The following SEPTIN10 variants were observed in gnomAD, a reference collection of about 807,000 sequenced individuals.
The protein encoded by SEPTIN10 is septin 10, also known as septin-10.
A neutral mutation model predicts 54.8 loss-of-function variants in SEPTIN10; 66 were observed. That is an observed-to-expected ratio of 1.21 (90% CI 0.99 to 1.48). SEPTIN10 has a LOEUF of 1.48. SEPTIN10 is among the 40% of genes most tolerant of loss of function. The pLI is 0.00. For synonymous variants in SEPTIN10, 161 were observed against 181.0 expected, an observed-to-expected ratio of 0.89 and a Z score of 0.89; for missense variants, 620 against 545.6, an observed-to-expected ratio of 1.14 and a Z score of -1.36.
chr2:109,545,293 T>A, intron 10 of SEPTIN10: 1 of 1,428,412 alleles, frequency 7.0e-7, no homozygotes. Context: ...GTGGGAGAAA[T>A]AAAACAAGGG....
intron 4 of SEPTIN10, among the ~76,000 whole-genome samples, chr2:109,581,341 G>A (rs1691085435): frequency 6.6e-6 from 1 of 151,956 alleles, no homozygotes; most frequent in South Asian, 2.1e-4. Flanking sequence ...GGAGGCTGAG[G>A]CTTGAGAATC....
At chr2:109,595,685 C>T (rs1310775092) in intron 1 of SEPTIN10, among the ~76,000 whole-genome samples, 2 of 152,124 alleles carry the variant, frequency 1.3e-5, no homozygotes, top group African/African-American at 2.4e-5. Context: ...GGCAGAATTT[C>T]GTACTTGGAG....
chr2:109,595,362 C>T (rs1695089979), intron 1 of SEPTIN10, among the ~76,000 whole-genome samples: 1 of 152,160 alleles, frequency 6.6e-6, no homozygotes, highest in Admixed American at 6.5e-5. Flanking sequence ...AGAGACTAGC[C>T]TGATTTTAAT....
intron 1 of SEPTIN10, among the ~76,000 whole-genome samples, chr2:109,612,661 A>G (rs760542324): frequency 6.6e-6 from 1 of 152,232 alleles, no homozygotes; most frequent in Non-Finnish European, 1.5e-5. Flanking sequence ...TAATCTATGA[A>G]TCAAAGAATT....
intron 8 of SEPTIN10, among the ~76,000 whole-genome samples, chr2:109,559,549 T>C (rs1266398591): frequency 6.6e-6 from 1 of 152,218 alleles, no homozygotes; most frequent in Admixed American, 6.5e-5. Context: ...GCTCAGCAAA[T>C]GGATGTGATG....
rs1414601642 is a variant in SEPTIN10 at position 109,546,090 on chromosome 2, C to A, written c.1309G>T (p.Ala437Ser). 2.5e-6 allele frequency: 4 copies of A among 1,603,426 alleles called. No homozygotes were observed. The highest frequency in any genetic ancestry group is 1.7e-5 in the Admixed American group (1 of 58,090). Residue 437 changes from alanine to serine, a missense_variant, in exon 10 of 11, where the codon GCA becomes TCA. By Grantham distance (99) the Ala-to-Ser change is moderately conservative. Transcript: ENST00000397712. The part of the protein sequence containing the change: ...SEIFHSQSFL[A>S]TGSNLRKDKD... ...TCCTTCCTCAGGTTGCTGCCTGTTG[C>A]CAGAAAGGACTGGCTGTGAAATATC...
chr2:109,570,583 G>A (rs1416552644), intron 5 of SEPTIN10, among the ~76,000 whole-genome samples: 1 of 150,842 alleles, frequency 6.6e-6, no homozygotes, highest in Non-Finnish European at 1.5e-5. Flanking sequence ...GGAGTGCAGT[G>A]GCGTGATGTT....
At chr2:109,584,418 T>C (rs1691963071) in intron 4 of SEPTIN10, among the ~76,000 whole-genome samples, 1 of 131,356 alleles carries the variant, frequency 7.6e-6, no homozygotes, top group African/African-American at 3.0e-5. Context: ...GAGGTTGCAG[T>C]GAGTCGAAAT....
At chr2:109,583,802 A>C (rs960315931) in intron 4 of SEPTIN10, among the ~76,000 whole-genome samples, 1 of 152,234 alleles carries the variant, frequency 6.6e-6, no homozygotes, top group Non-Finnish European at 1.5e-5. Flanking sequence ...ACTACTACAC[A>C]GCCATAAAAA....
At chr2:109,563,433 T>A (rs1229105287) in intron 8 of SEPTIN10, among the ~76,000 whole-genome samples, 1 of 152,166 alleles carries the variant, frequency 6.6e-6, no homozygotes, top group East Asian at 1.9e-4. Flanking sequence ...AACAATGCAA[T>A]GGAAAAGGAA....
intron 1 of SEPTIN10, among the ~76,000 whole-genome samples, chr2:109,600,372 C>G (rs928021156): frequency 4.6e-5 from 7 of 152,134 alleles, no homozygotes; most frequent in African/African-American, 1.7e-4. Context: ...TGTCTGCTTG[C>G]AGAATTCCAC....
intron 9 of SEPTIN10, among the ~76,000 whole-genome samples, chr2:109,549,369 G>A (rs1682230149): frequency 6.6e-6 from 1 of 152,126 alleles, no homozygotes; most frequent in Non-Finnish European, 1.5e-5. Context: ...CATTCATGAG[G>A]TTGACTAAAA....
rs1680437967 is a variant in SEPTIN10, at chr2:109,543,453, T to C, written c.*856A>G. On this transcript the variant is annotated 3_prime_UTR_variant, in exon 11 of 11. Transcript: ENST00000397712. ...TAAAGCATGAAGTCATCATATTAAA[T>C]AATCTGACACAAAAGCTTAAGATCA... 6.6e-6 allele frequency: 1 copy of C among 152,198 alleles called. No individual in the cohort carries two copies. Among genetic ancestry groups the C allele is most frequent in the Non-Finnish European group, 1.5e-5 (1 of 68,018 alleles). 9.4% of individuals were successfully genotyped at this position (152,198 alleles called of 1,614,324 possible).
At chr2:109,597,168 T>C (rs968825938) in intron 1 of SEPTIN10, among the ~76,000 whole-genome samples, 1 of 152,116 alleles carries the variant, frequency 6.6e-6, no homozygotes, top group African/African-American at 2.4e-5. Context: ...CTCGAACTCC[T>C]GAGCTGAAGC....
chr2:109,613,053 T>C (rs1699606876), intron 1 of SEPTIN10: 1 of 556,196 alleles, frequency 1.8e-6, no homozygotes, highest in Non-Finnish European at 3.1e-6. Flanking sequence ...AAAGGGAGAA[T>C]TTGTTTTTAA....
At chr2:109,611,086 GA>G (rs1231220783) in intron 1 of SEPTIN10, among the ~76,000 whole-genome samples, 1 of 152,180 alleles carries the variant, frequency 6.6e-6, no homozygotes, top group Non-Finnish European at 1.5e-5. Context: ...CTCAATAATG[GA>G]AAGGGAGCCT....
intron 1 of SEPTIN10, among the ~76,000 whole-genome samples, chr2:109,611,340 A>C (rs540651613): frequency 3.9e-5 from 6 of 152,380 alleles, no homozygotes; most frequent in Non-Finnish European, 7.3e-5. Context: ...AAATTTCAAC[A>C]AAACTGAAAA....
chr2:109,552,933 T>A, intron 9 of SEPTIN10, 154 bp downstream of exon 9: 2 of 847,744 alleles, frequency 2.4e-6, no homozygotes, highest in Non-Finnish European at 3.6e-6. Context: ...GCTATGATTC[T>A]AAGTCAATAT....
At chr2:109,583,817 C>T (rs1176058460) in intron 4 of SEPTIN10, among the ~76,000 whole-genome samples, 1 of 152,112 alleles carries the variant, frequency 6.6e-6, no homozygotes, top group Non-Finnish European at 1.5e-5. Context: ...TAAAAAAGAA[C>T]AAAATCAAGT....
Sources: allele counts gnomAD v4.1 joint callset (sites outside exome capture counted in the v4.1 genomes callset), GRCh38; gene constraint gnomAD v4.1.1; transcripts MANE v1.5; gene names NCBI Gene and HGNC (gene_info 2026-07-23, HGNC 2026-07-21).